The following ZMYM2 variants were observed in gnomAD, a reference collection of about 807,000 sequenced individuals.
ZMYM2 encodes zinc finger MYM-type protein 2.
A neutral mutation model predicts 162.8 loss-of-function variants in ZMYM2; 56 were observed. The observed-to-expected ratio is 0.34, with a 90% CI of 0.28 to 0.43. The LOEUF (loss-of-function observed/expected upper bound fraction) is 0.43, where lower values mean the gene tolerates loss of function less well. Ranked by LOEUF, ZMYM2 falls within the 20% of genes least tolerant of loss-of-function variation. The probability of loss-of-function intolerance (pLI) is 1.00; values close to 1 mark genes in which losing one functional copy is unlikely to be tolerated. For missense variants in ZMYM2, 1,275 were observed against 1,621.8 expected, an observed-to-expected ratio of 0.79 and a Z score of 3.67; for synonymous variants, 510 against 541.6, an observed-to-expected ratio of 0.94 and a Z score of 0.81.
chr13:19,964,874 T>TAATC (rs1445176831), intron 2 of ZMYM2, among the ~76,000 whole-genome samples: 6 of 152,224 alleles, frequency 3.9e-5, no homozygotes, highest in Admixed American at 3.3e-4. Flanking sequence ...ATAAATTTGC[T>TAATC]AGGAATATAA....
At chr13:19,963,591 T>C (rs1955473929) in intron 2 of ZMYM2, among the ~76,000 whole-genome samples, 1 of 152,214 alleles carries the variant, frequency 6.6e-6, no homozygotes, top group Non-Finnish European at 1.5e-5. Context: ...TCGTAGTCTT[T>C]GATGTCTCTT....
At chr13:19,981,548 G>T (rs910337904) in intron 2 of ZMYM2, among the ~76,000 whole-genome samples, 3 of 152,102 alleles carry the variant, frequency 2.0e-5, no homozygotes, top group Non-Finnish European at 2.9e-5. Context: ...TCTCCAAGGA[G>T]CCCTGGTTTC....
the ZMYM2 span, among the ~76,000 whole-genome samples, chr13:19,893,329 A>C: frequency 6.6e-6 from 1 of 151,872 alleles, no homozygotes; most frequent in African/African-American, 2.4e-5. Context: ...AGTGTTAGTA[A>C]TTTGAAGACA....
At position 20,005,189 on chromosome 13, in the gene ZMYM2, A is replaced by G; in HGVS notation, c.1249A>G (p.Lys417Glu). ...CTATGAAGACAAACAGAATCCTACTAAAGGAGCTCTAAATAAATCAAGATG... is the reference window on the plus strand; with the variant it reads ...CTATGAAGACAAACAGAATCCTACTGAAGGAGCTCTAAATAAATCAAGATG... Reference protein sequence around the residue: ...SLYEDKQNPTKGALNKSRCTI... With the variant: ...SLYEDKQNPTEGALNKSRCTI... Residue 417 changes from lysine (K) to glutamate (E), a missense_variant, in exon 5 of 25, where the codon AAA becomes GAA. By Grantham distance (56) the Lys-to-Glu change is moderately conservative (BLOSUM62 1). Around this residue, in one of 10 missense-constraint regions of ZMYM2, gnomAD observed 276 missense variants for 311.8 expected, o/e 0.89. Coordinates refer to ENST00000610343, the MANE Select transcript of ZMYM2 (RefSeq NM_197968.4). 1 of 1,589,142 alleles carries G rather than the reference A, an allele frequency of 6.3e-7. No individual in the cohort carries two copies. Among genetic ancestry groups the G allele is most frequent in the Non-Finnish European group, 8.5e-7 (1 of 1,172,382 alleles).
the ZMYM2 span, among the ~76,000 whole-genome samples, chr13:19,919,942 G>A: frequency 6.6e-6 from 1 of 152,014 alleles, no homozygotes; most frequent in Non-Finnish European, 1.5e-5. Flanking sequence ...CAAAGTGCTG[G>A]GAGTACAGGT....
Position 20,059,511 on chromosome 13 carries a change from T to A in ZMYM2, c.2688T>A (p.Pro896=). Residue 896 remains proline, a synonymous_variant, in exon 16 of 25, where the codon CCT becomes CCA. Transcript: ENST00000610343. The part of the protein sequence containing the change: ...PIPVPVYIPV[P]MHMYSQNIPV... ...CTGTGCCTGTGTATATCCCAGTTCC[T>A]ATGCACATGTACAGTCAGAATATTC... The A allele has an allele frequency of 6.8e-7, 1 of 1,479,906 alleles. No individual in the cohort carries two copies. Among genetic ancestry groups the A allele is most frequent in the Non-Finnish European group, 9.5e-7 (1 of 1,057,868 alleles). The allele number at this position is 1,479,906 out of a possible 1,614,324, so 91.7% of individuals were successfully genotyped here. A position where few individuals can be genotyped will look rare whatever the true frequency, so the allele number is the denominator to read the frequency against.
intron 6 of ZMYM2, among the ~76,000 whole-genome samples, chr13:20,007,005 C>G (rs1193304960): frequency 6.6e-6 from 1 of 152,178 alleles, no homozygotes; most frequent in Non-Finnish European, 1.5e-5. Flanking sequence ...ATGGTAAATG[C>G]TATCAGAATG....
At chr13:19,871,925 CAT>C in the ZMYM2 span, among the ~76,000 whole-genome samples, 6 of 152,140 alleles carry the variant, frequency 3.9e-5, no homozygotes, top group African/African-American at 4.8e-5. Flanking sequence ...TTAAAATGCA[CAT>C]GTGTAGAAAA....
chr13:19,868,414 A>G, the ZMYM2 span, among the ~76,000 whole-genome samples: 1 of 152,146 alleles, frequency 6.6e-6, no homozygotes, highest in Non-Finnish European at 1.5e-5. Context: ...GTCATCTTTC[A>G]TATTTCCTTG....
chr13:19,917,128 A>G, the ZMYM2 span, among the ~76,000 whole-genome samples: 2 of 151,702 alleles, frequency 1.3e-5, no homozygotes, highest in South Asian at 4.2e-4. Context: ...ACGCCCGGCT[A>G]ATTTTTTGTA....
At chr13:19,882,962 A>G in the ZMYM2 span, among the ~76,000 whole-genome samples, 1 of 152,212 alleles carries the variant, frequency 6.6e-6, no homozygotes, top group Non-Finnish European at 1.5e-5. Flanking sequence ...CAATTTTTAT[A>G]CAGTACTATT....
At chr13:19,893,203 T>A in the ZMYM2 span, among the ~76,000 whole-genome samples, 3 of 135,612 alleles carry the variant, frequency 2.2e-5, no homozygotes, top group Admixed American at 7.3e-5. Flanking sequence ...GAGGCCGAGG[T>A]GGGCCGATCA....
At chr13:20,061,341 A>AG in intron 17 of ZMYM2, 117 bp downstream of exon 17, 1 of 1,167,476 alleles carries the variant, frequency 8.6e-7, no homozygotes, top group Non-Finnish European at 1.2e-6. Flanking sequence ...GGGTGAGGAA[A>AG]GCATTGTAAC....
intron 6 of ZMYM2, among the ~76,000 whole-genome samples, chr13:20,013,711 T>C (rs10161819): frequency 0.088 from 13,332 of 152,268 alleles, 859 homozygotes; most frequent in African/African-American, 0.17. Flanking sequence ...ATCTTTGCTC[T>C]TATTTATGTG....
At chr13:19,918,348 G>A in the ZMYM2 span, among the ~76,000 whole-genome samples, 2 of 151,460 alleles carry the variant, frequency 1.3e-5, no homozygotes, top group Non-Finnish European at 2.9e-5. Flanking sequence ...GGGAAGCTGA[G>A]GCAGGAGAAT....
At chr13:19,922,737 G>A in the ZMYM2 span, among the ~76,000 whole-genome samples, 3 of 152,074 alleles carry the variant, frequency 2.0e-5, no homozygotes, top group Non-Finnish European at 2.9e-5. Context: ...CCAGCTATTC[G>A]GGAGGCTGAG....
intron 21 of ZMYM2, among the ~76,000 whole-genome samples, chr13:20,081,644 G>GA (rs531493980): frequency 2.2e-4 from 33 of 150,374 alleles, no homozygotes; most frequent in Middle Eastern, 3.4e-3. Context: ...TACTTTATAA[G>GA]AAAAAAAACT....
the ZMYM2 span, among the ~76,000 whole-genome samples, chr13:19,918,677 T>C: frequency 6.6e-6 from 1 of 151,554 alleles, no homozygotes; most frequent in Admixed American, 6.6e-5. Flanking sequence ...TTTTTGTATT[T>C]TTAGTAGAGA....
chr13:19,938,654 A>C, the ZMYM2 span, among the ~76,000 whole-genome samples: 1 of 152,150 alleles, frequency 6.6e-6, no homozygotes, highest in African/African-American at 2.4e-5. Context: ...CAAGCAAAAC[A>C]GTCACTCACA....
Sources: gnomAD v4.1 joint callset for allele counts (sites outside exome capture counted in the v4.1 genomes callset) on GRCh38, gnomAD v4.1.1 for gene constraint, gnomAD v4.1.1 regional missense constraint, MANE v1.5 for transcripts, NCBI Gene and HGNC (gene_info 2026-07-23, HGNC 2026-07-21) for gene names.